Variants in DCHS2 observed in about 807,000 individuals in gnomAD.
DCHS2 encodes dachsous cadherin-related 2, also known as protocadherin-23.
In DCHS2, 142 loss-of-function variants were observed where a neutral mutation model predicts 182.4. The observed-to-expected ratio is 0.78, with a 90% CI of 0.68 to 0.89. The LOEUF is 0.89. Ranked by LOEUF, DCHS2 falls within the 40% of genes least tolerant of loss-of-function variation. DCHS2 has a pLI of 0.00. For synonymous variants in DCHS2, 1,740 were observed against 1,663.3 expected (o/e 1.05, Z -1.12); for missense variants, 4,319 against 4,198.6 (o/e 1.03, Z -0.79).
intron 1 of DCHS2, among the ~76,000 whole-genome samples, chr4:154,401,555 T>C (rs1473457229): frequency 1.1e-4 from 16 of 152,250 alleles, no homozygotes. Context: ...GGCCTTTTTA[T>C]TTTCTTAATG....
chr4:154,240,657 C>T lies in DCHS2; in HGVS notation c.7239G>A (p.Met2413Ile), dbSNP rs1731773070. Residue 2413 changes from methionine (M) to isoleucine (I), a missense_variant, in exon 18 of 20, where the codon ATG becomes ATA. By Grantham distance (10) the Met-to-Ile change is conservative. Coordinates refer to ENST00000357232, the MANE Select transcript of DCHS2 (RefSeq NM_001358235.2). Reference sequence around the variant, plus strand: ...TTTGGATGAGCAGCTCATATTCAGTCATTTCTTCAAAATCCAATGTTTTCA... The same window carrying T: ...TTTGGATGAGCAGCTCATATTCAGTTATTTCTTCAAAATCCAATGTTTTCA... Reference protein sequence around the residue: ...VLVKTLDFEEMTEYELLIQIS... With the variant: ...VLVKTLDFEEITEYELLIQIS... 6.2e-7 allele frequency: 1 copy of T among 1,613,818 alleles called. No individual in the cohort carries two copies. Among genetic ancestry groups the T allele is most frequent in the Admixed American group, 1.7e-5 (1 of 59,978 alleles).
chr4:154,341,132 G>A (rs1212770225), intron 3 of DCHS2, among the ~76,000 whole-genome samples: 2 of 152,160 alleles, frequency 1.3e-5, no homozygotes, highest in East Asian at 3.9e-4. Context: ...ACTCTGGGAG[G>A]CCGAGGCGGG....
intron 15 of DCHS2, among the ~76,000 whole-genome samples, chr4:154,257,350 A>G (rs1732741385): frequency 6.6e-6 from 1 of 152,230 alleles, no homozygotes; most frequent in Non-Finnish European, 1.5e-5. Context: ...GGAGAGATGT[A>G]TCAGAAAGAC....
intron 1 of DCHS2, among the ~76,000 whole-genome samples, chr4:154,441,706 G>A (rs954098052): frequency 4.7e-5 from 7 of 147,954 alleles, no homozygotes; most frequent in Non-Finnish European, 1.0e-4. Context: ...AATTTGTACT[G>A]AATGAGCTAC....
chr4:154,413,667 C>A (rs1164369637), intron 1 of DCHS2, among the ~76,000 whole-genome samples: 2 of 152,164 alleles, frequency 1.3e-5, no homozygotes, highest in Non-Finnish European at 2.9e-5. Context: ...TGGGTACTTA[C>A]TTCTCCAGTT....
At chr4:154,397,634 T>C (rs1731990966) in intron 1 of DCHS2, among the ~76,000 whole-genome samples, 1 of 152,192 alleles carries the variant, frequency 6.6e-6, no homozygotes, top group Admixed American at 6.5e-5. Context: ...CCCTACTTTT[T>C]TAACCTGACT....
In DCHS2 at chr4:154,235,624, AG is replaced by A. The variant is rs1265778522; in HGVS notation, c.9027del (p.Cys3010AlafsTer3). On this transcript the variant is annotated frameshift_variant, in exon 20 of 20. Coordinates refer to ENST00000357232, the MANE Select transcript of DCHS2 (RefSeq NM_001358235.2). LOFTEE classifies it low-confidence loss of function (END_TRUNC). ...CTTAAAATCATTACAATTAGAATGC[AG>A]ATGAGTATCAGAAACACTAAAAAGG... ...VVSFLVFLIL[I>X]CILIVMILRH... 2 of 1,613,964 alleles carry A rather than the reference AG, an allele frequency of 1.2e-6. No individual in the cohort carries two copies. Among genetic ancestry groups the A allele is most frequent in the Non-Finnish European group, 1.7e-6 (2 of 1,179,962 alleles).
intron 1 of DCHS2, among the ~76,000 whole-genome samples, chr4:154,473,050 T>A (rs1469762051): frequency 6.6e-6 from 1 of 152,156 alleles, no homozygotes; most frequent in African/African-American, 2.4e-5. Flanking sequence ...GCTGCTCAGC[T>A]GTGTGACCCT....
intron 1 of DCHS2, among the ~76,000 whole-genome samples, chr4:154,390,083 C>A (rs1561085165): frequency 1.3e-5 from 2 of 150,254 alleles, no homozygotes; most frequent in African/African-American, 4.9e-5. Context: ...TGTTGATACT[C>A]TTTTTTTTTA....
At chr4:154,385,173 G>A (rs572995300) in intron 1 of DCHS2, among the ~76,000 whole-genome samples, 4 of 148,272 alleles carry the variant, frequency 2.7e-5, no homozygotes, top group East Asian at 2.0e-4. Flanking sequence ...AACATGCGGC[G>A]TTTGGTTTTT....
chr4:154,368,151 A>C (rs551473713), intron 2 of DCHS2, among the ~76,000 whole-genome samples: 5 of 152,290 alleles, frequency 3.3e-5, no homozygotes, highest in African/African-American at 9.6e-5. Context: ...GTCGCCCTAC[A>C]TCTGCAGCCA....
Position 154,320,524 on chromosome 4 carries a change from A to AT in DCHS2, c.4874dup (p.Asn1625LysfsTer39). 6.2e-7 allele frequency: 1 copy of AT among 1,614,024 alleles called. No homozygotes were observed. Among genetic ancestry groups the AT allele is most frequent in the East Asian group, 2.2e-5 (1 of 44,862 alleles). Reference sequence around the variant, plus strand: ...CTGTGACATCCTCTTTGACATGGGCATTGGGGAAAGAAATAAAAGTGGGGT... The same window carrying AT: ...CTGTGACATCCTCTTTGACATGGGCATTTGGGGAAAGAAATAAAAGTGGGGT... On this transcript the variant is annotated frameshift_variant, in exon 9 of 20. Transcript: ENST00000357232. LOFTEE classifies it high-confidence loss of function.
At chr4:154,417,812 G>A (rs1301977197) in intron 1 of DCHS2, among the ~76,000 whole-genome samples, 1 of 152,078 alleles carries the variant, frequency 6.6e-6, no homozygotes, top group African/African-American at 2.4e-5. Context: ...AATCAACTAG[G>A]CTTTCAATTC....
chr4:154,437,297 A>T (rs1410339584), intron 1 of DCHS2, among the ~76,000 whole-genome samples: 1 of 152,202 alleles, frequency 6.6e-6, no homozygotes, highest in Admixed American at 6.5e-5. Flanking sequence ...GCTTCCATCA[A>T]TAAACGTCCA....
At chr4:154,284,188 A>G (rs938947297) in intron 13 of DCHS2, among the ~76,000 whole-genome samples, 1 of 152,210 alleles carries the variant, frequency 6.6e-6, no homozygotes, top group African/African-American at 2.4e-5. Context: ...CTTCATGAAA[A>G]CAGCATTTTT....
At chr4:154,375,615 C>T (rs962105954) in intron 2 of DCHS2, among the ~76,000 whole-genome samples, 2 of 151,816 alleles carry the variant, frequency 1.3e-5, no homozygotes, top group African/African-American at 4.8e-5. Context: ...CAAAGTAAAA[C>T]CCCAGTGTGA....
chr4:154,405,158 G>A (rs149880039), intron 1 of DCHS2, among the ~76,000 whole-genome samples: 287 of 152,256 alleles, frequency 1.9e-3, no homozygotes, highest in African/African-American at 6.7e-3. Flanking sequence ...GCAGAGGCAG[G>A]AAAATCGCTT....
chr4:154,253,690 A>G (rs1732502492), intron 16 of DCHS2, among the ~76,000 whole-genome samples: 1 of 152,252 alleles, frequency 6.6e-6, no homozygotes, highest in African/African-American at 2.4e-5. Flanking sequence ...AATAGTTAAT[A>G]CAGGATAAAG....
Position 154,336,421 on chromosome 4 carries a change from G to A in DCHS2, c.2477-1317C>T, listed in dbSNP as rs533270330. Among the ~76,000 whole-genome samples, 8 of 152,232 alleles carry A rather than the reference G, an allele frequency of 5.3e-5. No individual in the cohort carries two copies. In the East Asian group the frequency reaches 5.8e-4, roughly 11 times the overall value. On this transcript the variant is annotated intron_variant, in intron 3 of 19. Coordinates refer to ENST00000357232, the MANE Select transcript of DCHS2 (RefSeq NM_001358235.2). ...ATGCAAACTTATTAAATGAATTTGC[G>A]AACAAATACGTATGGCTGGCCTTTA... is the stretch of plus-strand genomic sequence containing the variant.
Sources: gnomAD v4.1 joint callset for allele counts (sites outside exome capture counted in the v4.1 genomes callset) on GRCh38, gnomAD v4.1.1 for gene constraint, MANE v1.5 for transcripts, NCBI Gene and HGNC (gene_info 2026-07-23, HGNC 2026-07-21) for gene names.